Variants in CTNNA2 observed in about 807,000 individuals in gnomAD.
CTNNA2 encodes the protein catenin alpha 2, also known as catenin alpha-2.
In CTNNA2, 42 loss-of-function variants were observed where a neutral mutation model predicts 101.0. The ratio of observed to expected loss-of-function variants is 0.42; its 90% confidence interval spans 0.32 to 0.54. The LOEUF (loss-of-function observed/expected upper bound fraction) is 0.54. Among genes scored for constraint, CTNNA2 ranks in the 20% least tolerant of loss-of-function variants. CTNNA2 has a pLI of 0.14. For missense variants in CTNNA2, 871 were observed against 1,223.1 expected, an observed-to-expected ratio of 0.71 and a Z score of 4.29; for synonymous variants, 450 against 456.4, an observed-to-expected ratio of 0.99 and a Z score of 0.18.
chr2:79,942,959 G>T (rs1405989561), intron 7 of CTNNA2, among the ~76,000 whole-genome samples: 1 of 152,196 alleles, frequency 6.6e-6, no homozygotes, highest in Non-Finnish European at 1.5e-5. Context: ...GCTTATGCCT[G>T]TAATCCCAGC....
intron 7 of CTNNA2, among the ~76,000 whole-genome samples, chr2:80,276,681 G>C (rs1007411389): frequency 1.3e-5 from 2 of 151,902 alleles, no homozygotes; most frequent in South Asian, 2.1e-4. Flanking sequence ...GGAAGAAGAA[G>C]AAGAGGAGGA....
At chr2:80,193,774 C>T (rs951933037) in intron 7 of CTNNA2, among the ~76,000 whole-genome samples, 6 of 152,148 alleles carry the variant, frequency 3.9e-5, no homozygotes, top group African/African-American at 1.4e-4. Context: ...TCCTCCACCT[C>T]TCACCCCTTT....
chr2:80,238,236 G>C (rs1709648989), intron 7 of CTNNA2, among the ~76,000 whole-genome samples: 1 of 152,082 alleles, frequency 6.6e-6, no homozygotes, highest in Non-Finnish European at 1.5e-5. Context: ...TCCAGGGCAA[G>C]GGGAATGGCG....
chr2:79,391,299 C>G (rs940983912), intron 4 of CTNNA2, among the ~76,000 whole-genome samples: 1 of 152,172 alleles, frequency 6.6e-6, no homozygotes, highest in African/African-American at 2.4e-5. Context: ...CCTCTGCCTA[C>G]TCAACATGGA....
intron 7 of CTNNA2, among the ~76,000 whole-genome samples, chr2:79,934,907 G>T (rs754768691): frequency 1.3e-5 from 2 of 152,214 alleles, no homozygotes; most frequent in Admixed American, 6.5e-5. Context: ...GTTTGAATGA[G>T]TTTGCTAAGA....
At chr2:79,825,762 AAG>A (rs1234651180) in intron 3 of CTNNA2, among the ~76,000 whole-genome samples, 3 of 152,144 alleles carry the variant, frequency 2.0e-5, no homozygotes, top group Non-Finnish European at 2.9e-5. Flanking sequence ...TGATCTAGGA[AAG>A]AGAATGTAGA....
intron 9 of CTNNA2, among the ~76,000 whole-genome samples, chr2:80,493,070 A>T (rs751076713): frequency 3.3e-5 from 5 of 152,190 alleles, no homozygotes; most frequent in Non-Finnish European, 7.3e-5. Flanking sequence ...AGTGGTCTTC[A>T]TGAGAAAGGA....
intron 4 of CTNNA2, among the ~76,000 whole-genome samples, chr2:79,374,616 G>A (rs530146262): frequency 7.2e-5 from 11 of 152,042 alleles, no homozygotes; most frequent in African/African-American, 1.7e-4. Flanking sequence ...TGTAGATGAT[G>A]TATATTTTTT....
intron 3 of CTNNA2, among the ~76,000 whole-genome samples, chr2:79,829,360 TAC>T (rs55934940): frequency 0.059 from 6,619 of 112,976 alleles, 180 homozygotes; most frequent in East Asian, 0.1. Flanking sequence ...CAACTAAAAC[TAC>T]ACACACACAC....
intron 3 of CTNNA2, among the ~76,000 whole-genome samples, chr2:79,792,314 G>C (rs1012563066): frequency 2.0e-5 from 3 of 152,142 alleles, no homozygotes; most frequent in Admixed American, 6.6e-5. Context: ...TCTCCCTCTG[G>C]AGCAGAGGAC....
chr2:79,705,145 C>A (rs1685272004), intron 2 of CTNNA2, among the ~76,000 whole-genome samples: 1 of 152,140 alleles, frequency 6.6e-6, no homozygotes, highest in Admixed American at 6.5e-5. Context: ...CTGCTCCCCA[C>A]AAACAGAGTT....
chr2:80,575,643 T>C (rs1477001097), intron 13 of CTNNA2, among the ~76,000 whole-genome samples: 1 of 152,188 alleles, frequency 6.6e-6, no homozygotes, highest in African/African-American at 2.4e-5. Flanking sequence ...AATCCCACTG[T>C]AATCCTCAAG....
At chr2:79,930,450 T>C (rs961289245) in intron 7 of CTNNA2, among the ~76,000 whole-genome samples, 2 of 152,204 alleles carry the variant, frequency 1.3e-5, no homozygotes, top group Non-Finnish European at 2.9e-5. Context: ...TATATTTGCC[T>C]TTGTTCCTGG....
chr2:79,350,057 G>C (rs1357855225), intron 3 of CTNNA2, among the ~76,000 whole-genome samples: 1 of 108,508 alleles, frequency 9.2e-6, no homozygotes, highest in Non-Finnish European at 1.7e-5. Context: ...CTGGACGACA[G>C]AGCGAGACTC....
At chr2:79,936,218 GTT>G (rs201740636) in intron 7 of CTNNA2, among the ~76,000 whole-genome samples, 2 of 140,482 alleles carry the variant, frequency 1.4e-5, no homozygotes, top group Non-Finnish European at 3.1e-5. Context: ...TTCTGAGTTT[GTT>G]TTTTTTTATT....
intron 7 of CTNNA2, among the ~76,000 whole-genome samples, chr2:80,367,007 A>AT (rs3040569): frequency 0.037 from 5,225 of 142,502 alleles, 153 homozygotes; most frequent in African/African-American, 0.075. Context: ...AAATGGTTGC[A>AT]TTTTTTTTTT....
At chr2:79,612,632 A>G (rs1346791236) in intron 1 of CTNNA2, among the ~76,000 whole-genome samples, 5 of 152,174 alleles carry the variant, frequency 3.3e-5, no homozygotes, top group African/African-American at 9.7e-5. Flanking sequence ...AGATGATTGT[A>G]GAATGAGCTC....
intron 7 of CTNNA2, among the ~76,000 whole-genome samples, chr2:80,216,157 T>C (rs905312243): frequency 1.2e-4 from 18 of 152,204 alleles, no homozygotes; most frequent in South Asian, 2.1e-4. Flanking sequence ...AGGTACCGTC[T>C]GTCACGGCTT....
intron 3 of CTNNA2, among the ~76,000 whole-genome samples, chr2:79,753,316 C>G (rs1373901602): frequency 6.6e-6 from 1 of 152,178 alleles, no homozygotes; most frequent in Non-Finnish European, 1.5e-5. Context: ...AGTCAGTAAT[C>G]TTATTCAATT....
Sources: gnomAD v4.1 joint callset for allele counts (sites outside exome capture counted in the v4.1 genomes callset) on GRCh38, gnomAD v4.1.1 for gene constraint, MANE v1.5 for transcripts, NCBI Gene and HGNC (gene_info 2026-07-23, HGNC 2026-07-21) for gene names.